Variants in COL8A1 observed in about 807,000 individuals in gnomAD.
The protein encoded by COL8A1 is collagen alpha-1(VIII) chain.
A neutral mutation model predicts 42.7 loss-of-function variants in COL8A1; 21 were observed. The observed-to-expected ratio is 0.49, with a 90% confidence interval of 0.35 to 0.71. The LOEUF is 0.71. Ranked by LOEUF, COL8A1 falls within the 30% of genes least tolerant of loss-of-function variation. The pLI is 0.01. For missense variants in COL8A1, 788 were observed against 962.4 expected, an observed-to-expected ratio of 0.82 and a Z score of 2.40; for synonymous variants, 367 against 369.1, an observed-to-expected ratio of 0.99 and a Z score of 0.06.
intron 2 of COL8A1, among the ~76,000 whole-genome samples, chr3:99,786,953 T>C (rs924688779): frequency 6.6e-6 from 1 of 152,098 alleles, no homozygotes; most frequent in African/African-American, 2.4e-5. Context: ...ACTACAAATC[T>C]TGTACAAGTA....
At chr3:99,718,939 A>C (rs1940076100) in intron 1 of COL8A1, among the ~76,000 whole-genome samples, 1 of 152,052 alleles carries the variant, frequency 6.6e-6, no homozygotes, top group African/African-American at 2.4e-5. Flanking sequence ...ATAATAATAG[A>C]ATATTAAATA....
chr3:99,669,146 T>TATATATATATATATATATAGAGAGAG, intron 1 of COL8A1, among the ~76,000 whole-genome samples: 3 of 115,390 alleles, frequency 2.6e-5, no homozygotes, highest in East Asian at 3.1e-4. Context: ...TATATATATA[T>TATATATATATATATATATAGAGAGAG]AGAGGGAGAG....
At chr3:99,776,244 A>C (rs1941689924) in intron 2 of COL8A1, among the ~76,000 whole-genome samples, 1 of 152,190 alleles carries the variant, frequency 6.6e-6, no homozygotes, top group East Asian at 1.9e-4. Context: ...GAAAGGGCAA[A>C]GAATCAGGGA....
chr3:99,662,661 G>A (rs1938243554), intron 1 of COL8A1, among the ~76,000 whole-genome samples: 1 of 152,148 alleles, frequency 6.6e-6, no homozygotes, highest in African/African-American at 2.4e-5. Context: ...AACAGTTCTG[G>A]AGGCCAGAAG....
intron 2 of COL8A1, among the ~76,000 whole-genome samples, chr3:99,774,763 G>C (rs1052569389): frequency 4.6e-5 from 7 of 152,226 alleles, no homozygotes; most frequent in African/African-American, 1.7e-4. Context: ...TTCCAGGACA[G>C]GAGCCTCATT....
At chr3:99,764,538 A>G (rs958775283) in intron 2 of COL8A1, among the ~76,000 whole-genome samples, 49 of 152,160 alleles carry the variant, frequency 3.2e-4, no homozygotes, top group African/African-American at 1.1e-3. Flanking sequence ...TAGAACCTGG[A>G]GGTAGATTCC....
At chr3:99,782,058 T>A (rs2107448174) in intron 2 of COL8A1, among the ~76,000 whole-genome samples, 1 of 152,326 alleles carries the variant, frequency 6.6e-6, no homozygotes, top group Non-Finnish European at 1.5e-5. Flanking sequence ...ATGAAGTTTT[T>A]ATCTTTTATA....
At chr3:99,770,366 G>T (rs1275137990) in intron 2 of COL8A1, among the ~76,000 whole-genome samples, 1 of 152,132 alleles carries the variant, frequency 6.6e-6, no homozygotes, top group Non-Finnish European at 1.5e-5. Context: ...AGTATGCCAA[G>T]GTATCATATT....
chr3:99,642,096 G>C (rs1937515699), intron 1 of COL8A1, among the ~76,000 whole-genome samples: 1 of 152,144 alleles, frequency 6.6e-6, no homozygotes, highest in Non-Finnish European at 1.5e-5. Context: ...GATATTAACA[G>C]CAGGTTACAC....
intron 1 of COL8A1, among the ~76,000 whole-genome samples, chr3:99,675,277 C>T (rs945086289): frequency 1.3e-5 from 2 of 151,892 alleles, no homozygotes; most frequent in Non-Finnish European, 2.9e-5. Context: ...GGCTATCTTT[C>T]CTTCCTTATT....
intron 1 of COL8A1, among the ~76,000 whole-genome samples, chr3:99,669,303 G>A (rs997175253): frequency 6.6e-6 from 1 of 151,734 alleles, no homozygotes; most frequent in African/African-American, 2.4e-5. Flanking sequence ...GAGATACACT[G>A]TAAACCAAAC....
intron 2 of COL8A1, among the ~76,000 whole-genome samples, chr3:99,760,514 A>T (rs994582512): frequency 6.6e-6 from 1 of 152,198 alleles, no homozygotes; most frequent in Admixed American, 6.5e-5. Context: ...TAAAAGATAG[A>T]TAGGAATTTT....
At chr3:99,727,716 G>A (rs558728231) in intron 1 of COL8A1, among the ~76,000 whole-genome samples, 175 of 152,086 alleles carry the variant, frequency 1.2e-3, no homozygotes, top group Non-Finnish European at 9.0e-4. Flanking sequence ...CAATATCCTT[G>A]ATGAACATTG....
intron 1 of COL8A1, among the ~76,000 whole-genome samples, chr3:99,639,596 C>T (rs980786640): frequency 6.6e-6 from 1 of 152,202 alleles, no homozygotes; most frequent in East Asian, 1.9e-4. Context: ...TTAAGCTACC[C>T]TCTTTAAAAG....
chr3:99,768,924 C>T (rs1162541099), intron 2 of COL8A1, among the ~76,000 whole-genome samples: 1 of 152,154 alleles, frequency 6.6e-6, no homozygotes, highest in Non-Finnish European at 1.5e-5. Context: ...GTGTGAGTGA[C>T]TTCGTAGGAT....
chr3:99,795,074 G>C lies in COL8A1; in HGVS notation c.1173G>C (p.Glu391Asp). The C allele has an allele frequency of 6.2e-7, 1 of 1,611,736 alleles. No homozygotes were observed. The highest frequency in any genetic ancestry group is 1.7e-5 in the Admixed American group (1 of 59,700). Residue 391 changes from glutamate to aspartate, a missense_variant, in exon 4 of 4, where the codon GAG becomes GAC. Physicochemically the swap from Glu to Asp is conservative, Grantham distance 45. Transcript: ENST00000652472. ...GAPGIGGPPG[E>D]PGLPGIPGPM... ...CAGGAATAGGGGGTCCTCCAGGAGA[G>C]CCAGGCCTGCCTGGAATCCCAGGTC...
chr3:99,723,143 GCTCT>G (rs1020838926), intron 1 of COL8A1, among the ~76,000 whole-genome samples: 11 of 151,888 alleles, frequency 7.2e-5, no homozygotes, highest in African/African-American at 2.4e-4. Context: ...GTAGTATTCT[GCTCT>G]CTAACAAGCA....
chr3:99,740,017 T>G (rs1273133604), intron 1 of COL8A1, among the ~76,000 whole-genome samples: 1 of 152,204 alleles, frequency 6.6e-6, no homozygotes, highest in Admixed American at 6.5e-5. Context: ...AGTTCAAAGT[T>G]CCACAAATCT....
At chr3:99,649,627 T>C (rs890171609) in intron 1 of COL8A1, among the ~76,000 whole-genome samples, 22 of 152,184 alleles carry the variant, frequency 1.4e-4, no homozygotes, top group Non-Finnish European at 2.4e-4. Context: ...TAGAATATCC[T>C]GATTTCTTTA....
Sources: gnomAD v4.1 joint callset for allele counts (sites outside exome capture counted in the v4.1 genomes callset) on GRCh38, gnomAD v4.1.1 for gene constraint, MANE v1.5 for transcripts, NCBI Gene and HGNC (gene_info 2026-07-23, HGNC 2026-07-21) for gene names.